Variants in PTPRM observed in about 807,000 individuals in gnomAD.
PTPRM encodes the protein protein tyrosine phosphatase receptor type M.
A neutral mutation model predicts 186.7 loss-of-function variants in PTPRM; 47 were observed. That is an observed-to-expected ratio of 0.25 (90% confidence interval 0.20 to 0.32). The LOEUF (loss-of-function observed/expected upper bound fraction) is 0.32, where lower values mean the gene tolerates loss of function less well. PTPRM is among the 10% of genes least tolerant of loss of function. PTPRM has a pLI of 1.00. For synonymous variants in PTPRM, 668 were observed against 674.9 expected (o/e 0.99, Z 0.16); for missense variants, 1,494 against 1,865.0 (o/e 0.80, Z 3.66).
intron 1 of PTPRM, among the ~76,000 whole-genome samples, chr18:7,632,605 A>G (rs756022405): frequency 1.3e-5 from 2 of 152,190 alleles, no homozygotes; most frequent in Non-Finnish European, 2.9e-5. Context: ...AGGCTCCCTG[A>G]GCTGGCCACA....
intron 2 of PTPRM, among the ~76,000 whole-genome samples, chr18:7,802,207 T>C (rs2044007111): frequency 1.3e-5 from 2 of 152,202 alleles, no homozygotes; most frequent in African/African-American, 4.8e-5. Flanking sequence ...CCACTCAGCC[T>C]GTTTCACCTT....
chr18:8,275,722 G>A (rs2094826275), intron 19 of PTPRM, among the ~76,000 whole-genome samples: 1 of 152,174 alleles, frequency 6.6e-6, no homozygotes, highest in Non-Finnish European at 1.5e-5. Flanking sequence ...TTGTGAGAAT[G>A]ACATTTTGTG....
intron 2 of PTPRM, among the ~76,000 whole-genome samples, chr18:7,819,233 G>A (rs995431249): frequency 6.6e-6 from 1 of 152,162 alleles, no homozygotes; most frequent in Non-Finnish European, 1.5e-5. Context: ...TCCTGCTTTT[G>A]TACCCAAATG....
rs75624149 is a variant in PTPRM, at chr18:8,342,069, T to A, written c.2957-1354T>A. 6.1e-3 allele frequency among the ~76,000 whole-genome samples: 926 copies of A among 151,774 alleles called. 10 individuals carry two copies. Among genetic ancestry groups the A allele is most frequent in the African/African-American group, 0.022 (893 of 41,356 alleles). ...GTAGTCAGAAGCGGCAAGGGAGAAA[T>A]GATAGGAATTTGTGTTGTGGAGAGA... On this transcript the variant is annotated intron_variant, in intron 22 of 32. Transcript: ENST00000580170.
chr18:7,858,488 G>A (rs771324630), intron 2 of PTPRM, among the ~76,000 whole-genome samples: 21 of 152,176 alleles, frequency 1.4e-4, no homozygotes, highest in Admixed American at 6.5e-5. Context: ...CTTGCGCCCA[G>A]GAGTTGACAT....
intron 19 of PTPRM, among the ~76,000 whole-genome samples, chr18:8,260,415 CAGCCCCACAAAGTGCTGG>C (rs796715730): frequency 3.3e-5 from 5 of 152,262 alleles, no homozygotes; most frequent in African/African-American, 1.2e-4. Flanking sequence ...CCTCCCACCT[CAGCCCCACAAAGTGCTGG>C]AGCTACAGGC....
At chr18:8,398,680 G>T (rs1299176918) in intron 32 of PTPRM, among the ~76,000 whole-genome samples, 2 of 150,202 alleles carry the variant, frequency 1.3e-5, no homozygotes, top group Non-Finnish European at 2.9e-5. Flanking sequence ...TGAGGCAGAA[G>T]AATCACTTGA....
At chr18:7,746,714 C>T (rs1161569303) in intron 1 of PTPRM, among the ~76,000 whole-genome samples, 2 of 152,178 alleles carry the variant, frequency 1.3e-5, no homozygotes, top group Non-Finnish European at 2.9e-5. Context: ...GATCTTCCTG[C>T]CTTGACCTCC....
intron 2 of PTPRM, among the ~76,000 whole-genome samples, chr18:7,792,514 C>T (rs1471940641): frequency 1.3e-5 from 2 of 152,040 alleles, no homozygotes; most frequent in East Asian, 1.9e-4. Context: ...GGCTCATACC[C>T]CTTGTTATTT....
intron 2 of PTPRM, among the ~76,000 whole-genome samples, chr18:7,853,686 T>A (rs543437844): frequency 6.6e-6 from 1 of 152,204 alleles, no homozygotes; most frequent in East Asian, 1.9e-4. Context: ...GAGACATACT[T>A]GTGCCTTTGG....
chr18:8,197,290 G>A (rs753162918), intron 14 of PTPRM, among the ~76,000 whole-genome samples: 1 of 152,164 alleles, frequency 6.6e-6, no homozygotes, highest in African/African-American at 2.4e-5. Context: ...ACGGAAGATA[G>A]TGTGCTCTAC....
chr18:8,213,573 G>GT (rs2094036552), intron 14 of PTPRM, among the ~76,000 whole-genome samples: 1 of 152,136 alleles, frequency 6.6e-6, no homozygotes. Flanking sequence ...GAGGGCTTCT[G>GT]GTGGTGACAG....
At chr18:8,309,189 C>T (rs984571699) in intron 20 of PTPRM, among the ~76,000 whole-genome samples, 2 of 152,178 alleles carry the variant, frequency 1.3e-5, no homozygotes, top group African/African-American at 4.8e-5. Context: ...TTCCTCATGG[C>T]TGGGTCATAG....
chr18:8,215,168 G>A (rs2094062732), intron 14 of PTPRM, among the ~76,000 whole-genome samples: 1 of 152,156 alleles, frequency 6.6e-6, no homozygotes, highest in South Asian at 2.1e-4. Context: ...ATAGCAATAG[G>A]TGACCTGTGA....
chr18:7,898,060 C>T (rs985677840), intron 3 of PTPRM, among the ~76,000 whole-genome samples: 2 of 152,152 alleles, frequency 1.3e-5, no homozygotes, highest in Admixed American at 6.6e-5. Flanking sequence ...AATACAAACA[C>T]AAATGCTTGA....
chr18:7,694,657 C>G (rs1338082046), intron 1 of PTPRM, among the ~76,000 whole-genome samples: 1 of 151,590 alleles, frequency 6.6e-6, no homozygotes, highest in African/African-American at 2.4e-5. Flanking sequence ...GAACCCCTGA[C>G]CTTAGGCGAT....
At chr18:7,676,633 G>C (rs2039343137) in intron 1 of PTPRM, among the ~76,000 whole-genome samples, 1 of 134,052 alleles carries the variant, frequency 7.5e-6, no homozygotes, top group African/African-American at 3.3e-5. Context: ...CTAGCTGTGT[G>C]TGTGTGTGTG....
At position 7,866,499 on chromosome 18, in the gene PTPRM, G is replaced by T. The variant is rs11659815; in HGVS notation, c.197-21607G>T. On this transcript the variant is annotated intron_variant, in intron 2 of 32. Transcript: ENST00000580170. ...AGTTTACACGTAGTTTTGTGATTTT[G>T]AGTGAGTTTCTTAATCCTAAGTTCT... Among the ~76,000 whole-genome samples, 770 of 152,296 alleles carry T rather than the reference G, an allele frequency of 5.1e-3. 3 individuals carry two copies. Among genetic ancestry groups the T allele is most frequent in the Non-Finnish European group, 8.7e-3 (589 of 68,020 alleles).
chr18:8,152,760 C>T (rs1237386745), intron 14 of PTPRM, among the ~76,000 whole-genome samples: 3 of 123,114 alleles, frequency 2.4e-5, no homozygotes, highest in African/African-American at 9.3e-5. Context: ...GTTCTGTTAC[C>T]AGGCTGAAGT....
Sources: gnomAD v4.1 joint callset for allele counts (sites outside exome capture counted in the v4.1 genomes callset) on GRCh38, gnomAD v4.1.1 for gene constraint, MANE v1.5 for transcripts, NCBI Gene and HGNC (gene_info 2026-07-23, HGNC 2026-07-21) for gene names.